Variants in KIF1B observed in about 807,000 individuals in gnomAD.
KIF1B encodes kinesin-like protein KIF1B.
KIF1B carries 76 observed loss-of-function variants against 241.9 expected under a neutral mutation model. That is an observed-to-expected ratio of 0.31 (90% CI 0.26 to 0.38). The LOEUF is 0.38. KIF1B is among the 10% of genes least tolerant of loss of function. KIF1B has a pLI of 1.00. For missense variants in KIF1B, 1,622 were observed against 2,271.4 expected, an observed-to-expected ratio of 0.71 and a Z score of 5.81; for synonymous variants, 750 against 796.7, an observed-to-expected ratio of 0.94 and a Z score of 0.99.
At chr1:10,361,190 C>T in intron 39 of KIF1B, 147 bp downstream of exon 39, 2 of 706,484 alleles carry the variant, frequency 2.8e-6, no homozygotes, top group Non-Finnish European at 5.2e-6. Context: ...TTATACATTG[C>T]TAACTCTTCT....
chr1:10,331,506 A>G (rs1413299269), intron 27 of KIF1B, among the ~76,000 whole-genome samples: 4 of 152,030 alleles, frequency 2.6e-5, no homozygotes, highest in African/African-American at 4.8e-5. Flanking sequence ...TATTTTTGTT[A>G]TATGTTTCAT....
intron 38 of KIF1B, among the ~76,000 whole-genome samples, chr1:10,353,966 A>G (rs1652889726): frequency 6.6e-6 from 1 of 152,220 alleles, no homozygotes. Flanking sequence ...CTTTGTAGCT[A>G]TGAAAAATGT....
intron 40 of KIF1B, among the ~76,000 whole-genome samples, chr1:10,362,579 A>T (rs1638454191): frequency 6.6e-6 from 1 of 152,108 alleles, no homozygotes; most frequent in African/African-American, 2.4e-5. Flanking sequence ...AGTGTTACTA[A>T]TACAATAGAA....
rs1025260668 is a variant in KIF1B at position 10,378,207 on chromosome 1, C to G, written c.*1620C>G. 4.5e-6 allele frequency: 3 copies of G among 665,288 alleles called. No homozygotes were observed. The highest frequency in any genetic ancestry group is 8.2e-6 in the Non-Finnish European group (3 of 364,764). 41.2% of individuals were successfully genotyped at this position (665,288 alleles called of 1,614,324 possible). A position where few individuals can be genotyped will look rare whatever the true frequency, so the allele number is the denominator to read the frequency against. On this transcript the variant is annotated 3_prime_UTR_variant, in exon 49 of 49. Coordinates refer to ENST00000676179, the MANE Select transcript of KIF1B (RefSeq NM_001365951.3). ...ACAAAACACAATATGCCTAGGGGCACGGATGAACGTCCAGGGAGCCCGGGC... is the reference window on the plus strand; with the variant it reads ...ACAAAACACAATATGCCTAGGGGCAGGGATGAACGTCCAGGGAGCCCGGGC...
intron 2 of KIF1B, among the ~76,000 whole-genome samples, chr1:10,247,748 GTGGGATCACATTAAAGCCTCTACAGC>G (rs1647248596): frequency 6.6e-6 from 1 of 152,188 alleles, no homozygotes; most frequent in South Asian, 2.1e-4. Flanking sequence ...GATACTTAGA[GTGGGATCACATTAAAGCCTCTACAGC>G]AGTGGTCCCC....
intron 10 of KIF1B, among the ~76,000 whole-genome samples, chr1:10,273,642 A>G (rs766754972): frequency 7.1e-6 from 1 of 140,022 alleles, no homozygotes; most frequent in Non-Finnish European, 1.5e-5. Context: ...GATGATGATG[A>G]TGTGGACATA....
At chr1:10,256,702 TA>T (rs1647803989) in intron 3 of KIF1B, among the ~76,000 whole-genome samples, 1 of 148,792 alleles carries the variant, frequency 6.7e-6, no homozygotes, top group African/African-American at 2.5e-5. Flanking sequence ...ATAATAATAA[TA>T]ATTATTATTA....
In KIF1B at chr1:10,264,136, A is replaced by G. The variant is rs190978035; in HGVS notation, c.429+2166A>G. ...CATCCTGAGCTCTCTTCCCCATTCT[A>G]TTTTCTTTTTTCCATCATACTCATC... is the stretch of plus-strand genomic sequence containing the variant. On this transcript the variant is annotated intron_variant, in intron 5 of 48. Coordinates refer to ENST00000676179, the MANE Select transcript of KIF1B (RefSeq NM_001365951.3). 1.7e-3 allele frequency among the ~76,000 whole-genome samples: 254 copies of G among 151,658 alleles called. 1 individual carries two copies. The Middle Eastern group carries it at 0.034, about 20-fold the overall frequency.
intron 22 of KIF1B, among the ~76,000 whole-genome samples, chr1:10,300,355 A>G (rs1401185218): frequency 3.3e-5 from 5 of 151,706 alleles, no homozygotes; most frequent in Non-Finnish European, 5.9e-5. Context: ...TATCACCATC[A>G]ATATGTGACA....
chr1:10,357,606 G>C (rs890709675), intron 38 of KIF1B, among the ~76,000 whole-genome samples: 5 of 152,118 alleles, frequency 3.3e-5, no homozygotes, highest in African/African-American at 4.8e-5. Context: ...GGTGGCTCGT[G>C]CCTATATTCC....
intron 2 of KIF1B, among the ~76,000 whole-genome samples, chr1:10,242,444 T>C (rs1442591757): frequency 6.6e-6 from 1 of 152,166 alleles, no homozygotes; most frequent in African/African-American, 2.4e-5. Context: ...TGTAAGACAT[T>C]GGTGGTATTT....
chr1:10,276,305 T>C lies in KIF1B; in HGVS notation c.959-16T>C, dbSNP rs1206994711. The C allele has an allele frequency of 1.9e-6, 3 of 1,596,410 alleles. No homozygotes were observed. The highest frequency in any genetic ancestry group is 2.6e-6 in the Non-Finnish European group (3 of 1,164,008). The stretch of plus-strand genomic sequence containing the variant: ...TAAAATGAGTGTGATTTGATACTCA[T>C]GATTAATCTTTTTAGGTGGCAATTC... On this transcript the variant is annotated splice_polypyrimidine_tract_variant and intron_variant, in intron 11 of 48. Coordinates refer to ENST00000676179, the MANE Select transcript of KIF1B (RefSeq NM_001365951.3).
rs145248539 is a variant in KIF1B at position 10,220,341 on chromosome 1, A to T, written c.-80+9463A>T. 1.5e-3 allele frequency among the ~76,000 whole-genome samples: 226 copies of T among 151,982 alleles called. 2 individuals are homozygous for T. Among genetic ancestry groups the T allele is most frequent in the African/African-American group, 4.9e-3 (204 of 41,458 alleles). On this transcript the variant is annotated intron_variant, in intron 1 of 48. Transcript: ENST00000676179. ...AACTGTGATTGTTCCACTGTACTCC[A>T]GCCTGGGCAACAGAGTGAGACCCTG...
In KIF1B at chr1:10,361,684, G is replaced by A; in HGVS notation, c.4171-8G>A. On this transcript the variant is annotated splice_region_variant and splice_polypyrimidine_tract_variant and intron_variant, in intron 39 of 48. Coordinates refer to ENST00000676179, the MANE Select transcript of KIF1B (RefSeq NM_001365951.3). The stretch of plus-strand genomic sequence containing the variant: ...CACTTCATCAGCACCTACCCTGTCT[G>A]CTTTCAGCTGGATCATTGCATCCAG... 5 of 1,613,532 alleles carry A rather than the reference G, an allele frequency of 3.1e-6. No individual in the cohort carries two copies. The highest frequency in any genetic ancestry group is 4.2e-6 in the Non-Finnish European group (5 of 1,180,026).
At chr1:10,229,638 C>T (rs748948830) in intron 1 of KIF1B, among the ~76,000 whole-genome samples, 14 of 148,330 alleles carry the variant, frequency 9.4e-5, no homozygotes, top group Non-Finnish European at 1.3e-4. Flanking sequence ...GGGTGGATCA[C>T]GAGGTCAGGA....
intron 1 of KIF1B, among the ~76,000 whole-genome samples, chr1:10,214,765 T>C (rs915905924): frequency 6.6e-6 from 1 of 151,656 alleles, no homozygotes; most frequent in Non-Finnish European, 1.5e-5. Context: ...GTATTTTTAG[T>C]AGAGACGGGG....
chr1:10,234,806 G>T (rs1239349592), intron 2 of KIF1B, among the ~76,000 whole-genome samples: 1 of 151,598 alleles, frequency 6.6e-6, no homozygotes, highest in Non-Finnish European at 1.5e-5. Context: ...GCAGGTATGA[G>T]CCACTGTACC....
At chr1:10,355,629 ACT>A (rs1161391269) in intron 38 of KIF1B, among the ~76,000 whole-genome samples, 14 of 151,588 alleles carry the variant, frequency 9.2e-5, no homozygotes, top group Non-Finnish European at 1.8e-4. Flanking sequence ...TTATTCTTAG[ACT>A]CTTTCAAGTT....
chr1:10,217,024 A>C (rs1185089276), intron 1 of KIF1B, among the ~76,000 whole-genome samples: 1 of 114,174 alleles, frequency 8.8e-6, no homozygotes, highest in Non-Finnish European at 1.6e-5. Flanking sequence ...CCAAGACTGG[A>C]GTGCAGTGGC....
Sources: gnomAD v4.1 joint callset for allele counts (sites outside exome capture counted in the v4.1 genomes callset) on GRCh38, gnomAD v4.1.1 for gene constraint, MANE v1.5 for transcripts, NCBI Gene and HGNC (gene_info 2026-07-23, HGNC 2026-07-21) for gene names.